Variants in DAB2IP observed in about 807,000 individuals in gnomAD.
DAB2IP encodes DAB2 interacting protein.
DAB2IP carries 28 observed loss-of-function variants against 107.2 expected under a neutral mutation model. That is an observed-to-expected ratio of 0.26 (90% CI 0.19 to 0.36). The LOEUF (loss-of-function observed/expected upper bound fraction) is 0.36. Among genes scored for constraint, DAB2IP ranks in the 10% least tolerant of loss-of-function variants. The pLI is 1.00. For missense variants in DAB2IP, 1,400 were observed against 1,644.7 expected (o/e 0.85, Z 2.57); for synonymous variants, 755 against 706.4 (o/e 1.07, Z -1.09).
chr9:121,685,949 T>C (rs1401184869), intron 2 of DAB2IP, among the ~76,000 whole-genome samples: 1 of 152,098 alleles, frequency 6.6e-6, no homozygotes, highest in East Asian at 1.9e-4. Flanking sequence ...TCCACGGCAG[T>C]GAACAGAGCA....
intron 14 of DAB2IP, among the ~76,000 whole-genome samples, chr9:121,780,401 A>G (rs1835526600): frequency 6.6e-6 from 1 of 151,992 alleles, no homozygotes; most frequent in Non-Finnish European, 1.5e-5. Context: ...CCCCCATTAC[A>G]GTCCCGTGCA....
intron 1 of DAB2IP, among the ~76,000 whole-genome samples, chr9:121,604,130 G>A (rs1432080752): frequency 1.3e-5 from 2 of 152,112 alleles, no homozygotes; most frequent in Non-Finnish European, 2.9e-5. Flanking sequence ...CCAAGGGGGA[G>A]CGTGGGGGCA....
intron 3 of DAB2IP, among the ~76,000 whole-genome samples, chr9:121,719,832 A>G (rs898830299): frequency 1.3e-5 from 2 of 152,330 alleles, no homozygotes; most frequent in Non-Finnish European, 2.9e-5. Context: ...CACCAGCAAC[A>G]TGACTCTCAA....
chr9:121,747,650 A>G (rs1265564744), intron 3 of DAB2IP, among the ~76,000 whole-genome samples: 3 of 152,016 alleles, frequency 2.0e-5, no homozygotes, highest in African/African-American at 7.2e-5. Context: ...CCCGGCCTAG[A>G]TGCTCTTCTT....
chr9:121,594,783 G>A (rs746502816), intron 1 of DAB2IP, among the ~76,000 whole-genome samples: 9 of 152,192 alleles, frequency 5.9e-5, no homozygotes, highest in Admixed American at 1.3e-4. Context: ...CCATAGCAAG[G>A]TGCAACAATC....
intron 1 of DAB2IP, chr9:121,575,282 C>T (rs946194208): frequency 1.9e-5 from 3 of 154,510 alleles, no homozygotes; most frequent in African/African-American, 7.2e-5. Flanking sequence ...TTCTCAGAGC[C>T]TCGGAGGGAT....
intron 1 of DAB2IP, among the ~76,000 whole-genome samples, chr9:121,640,323 G>A (rs1832237406): frequency 6.6e-6 from 1 of 152,030 alleles, no homozygotes; most frequent in African/African-American, 2.4e-5. Flanking sequence ...GGGCCTGGGT[G>A]GGAAGACGGG....
intron 3 of DAB2IP, 71 bp from the exon 4 acceptor site, chr9:121,756,942 A>G: frequency 1.2e-6 from 2 of 1,606,224 alleles, no homozygotes; most frequent in Non-Finnish European, 1.7e-6. Flanking sequence ...GCCAGGGCAG[A>G]TGGGTGGGAC....
At chr9:121,670,921 G>A (rs1052090577) in intron 1 of DAB2IP, among the ~76,000 whole-genome samples, 2 of 152,174 alleles carry the variant, frequency 1.3e-5, no homozygotes, top group African/African-American at 2.4e-5. Context: ...GGGAGGCCGA[G>A]GCAGGAGGAT....
At chr9:121,784,862 C>T (rs1216635352) in exon 16 of DAB2IP, 1 of 152,644 alleles carries the variant, frequency 6.6e-6, no homozygotes, top group Non-Finnish European at 1.5e-5. Context: ...TTCACTGGGC[C>T]AGTCAACGGG....
intron 1 of DAB2IP, among the ~76,000 whole-genome samples, chr9:121,593,673 C>CTT (rs71370677): frequency 4.5e-5 from 5 of 110,930 alleles, no homozygotes; most frequent in Non-Finnish European, 9.1e-5. Context: ...CTTTTTTTTT[C>CTT]TTTTTTTTTT....
exon 6 of DAB2IP, chr9:121,759,984 G>A (rs752730852): frequency 1.9e-5 from 30 of 1,614,106 alleles, no homozygotes; most frequent in East Asian, 1.6e-4. Context: ...GTGCCTGGAC[G>A]ATGTGCTCTA....
At chr9:121,622,538 C>T (rs749546501) in intron 1 of DAB2IP, among the ~76,000 whole-genome samples, 3 of 152,126 alleles carry the variant, frequency 2.0e-5, no homozygotes. Flanking sequence ...TTGTCAGATA[C>T]GCTGGGCTCC....
chr9:121,692,230 C>T (rs1016619385), intron 2 of DAB2IP, among the ~76,000 whole-genome samples: 3 of 152,090 alleles, frequency 2.0e-5, no homozygotes, highest in Non-Finnish European at 2.9e-5. Context: ...TGGCTTATTT[C>T]AGTGTATTTG....
chr9:121,763,318 GC>G (rs1404302848), intron 6 of DAB2IP, among the ~76,000 whole-genome samples, 186 bp from the exon 7 acceptor site: 1 of 152,140 alleles, frequency 6.6e-6, no homozygotes, highest in Non-Finnish European at 1.5e-5. Context: ...CTGGCTGGGG[GC>G]CCCTGCCCTG....
chr9:121,588,104 G>T (rs1226843385), intron 1 of DAB2IP, among the ~76,000 whole-genome samples: 5 of 152,118 alleles, frequency 3.3e-5, no homozygotes, highest in Non-Finnish European at 5.9e-5. Context: ...ATGCACTACG[G>T]TGATTACTTT....
At chr9:121,725,778 C>T (rs775509033) in intron 3 of DAB2IP, among the ~76,000 whole-genome samples, 6 of 152,002 alleles carry the variant, frequency 3.9e-5, no homozygotes, top group Non-Finnish European at 7.4e-5. Flanking sequence ...GGGCACGGGG[C>T]GGCTATGTGT....
Position 121,701,437 on chromosome 9 carries a change from A to G in DAB2IP, c.362+1979A>G, listed in dbSNP as rs981146840. Among the ~76,000 whole-genome samples the G allele has an allele frequency of 6.6e-6, 1 of 152,220 alleles. No homozygotes were observed. Among genetic ancestry groups the G allele is most frequent in the Non-Finnish European group, 1.5e-5 (1 of 68,038 alleles). On this transcript the variant is annotated intron_variant, in intron 3 of 15. Transcript: ENST00000408936. The surrounding 1 kb of genome is among the most constrained non-coding windows in gnomAD (Gnocchi z 4.7). ...GTTTCTGGAAACAGTAGGAAACGGT[A>G]GCGGTTGGAGCAGAATGTCACTGGC... is the stretch of plus-strand genomic sequence containing the variant.
chr9:121,587,872 A>G (rs1830341635), intron 1 of DAB2IP, among the ~76,000 whole-genome samples: 1 of 152,306 alleles, frequency 6.6e-6, no homozygotes, highest in South Asian at 2.1e-4. Flanking sequence ...CAAATATTGC[A>G]TAGGATATAC....
Sources: allele counts gnomAD v4.1 joint callset (sites outside exome capture counted in the v4.1 genomes callset), GRCh38; gene constraint gnomAD v4.1.1; non-coding constraint Gnocchi (gnomAD v3.1); transcripts MANE v1.5; gene names NCBI Gene and HGNC (gene_info 2026-07-23, HGNC 2026-07-21).